The following MB21D2 variants were observed in gnomAD, a reference collection of about 807,000 sequenced individuals.
MB21D2 encodes nucleotidyltransferase MB21D2.
Under a neutral mutation model 33.3 loss-of-function variants are expected in MB21D2, and 9 were observed. The ratio of observed to expected loss-of-function variants is 0.27; its 90% confidence interval spans 0.16 to 0.47. The LOEUF is 0.47. MB21D2 is among the 20% of genes least tolerant of loss of function. MB21D2 has a pLI of 0.99. For synonymous variants in MB21D2, 241 were observed against 236.3 expected (o/e 1.02, Z -0.18); for missense variants, 540 against 624.6 (o/e 0.86, Z 1.44).
intron 1 of MB21D2, among the ~76,000 whole-genome samples, chr3:192,800,235 C>T (rs1188464534): frequency 1.3e-5 from 2 of 152,222 alleles, no homozygotes; most frequent in South Asian, 2.1e-4. Flanking sequence ...TATAATAATA[C>T]TAACACACTG....
rs562000463 is a variant in MB21D2 at position 192,907,330 on chromosome 3, T to C, written c.211+10300A>G. On this transcript the variant is annotated intron_variant, in intron 1 of 1. Coordinates refer to ENST00000392452, the MANE Select transcript of MB21D2 (RefSeq NM_178496.4). Reference sequence around the variant, plus strand: ...CACTCTCAGTCAGATTCACCCCCTATATACCCTTGGCTCAGGTGAAGAGCA... The same window carrying C: ...CACTCTCAGTCAGATTCACCCCCTACATACCCTTGGCTCAGGTGAAGAGCA... Among the ~76,000 whole-genome samples, 280 of 152,264 alleles carry C rather than the reference T, an allele frequency of 1.8e-3. 2 individuals are homozygous for C. Among genetic ancestry groups the C allele is most frequent in the African/African-American group, 6.5e-3 (272 of 41,560 alleles).
chr3:192,911,848 G>A (rs1714364601), intron 1 of MB21D2, among the ~76,000 whole-genome samples: 1 of 152,172 alleles, frequency 6.6e-6, no homozygotes, highest in African/African-American at 2.4e-5. Context: ...AATGTTCTCA[G>A]AGATAGAACA....
chr3:192,836,610 A>T (rs1165480482), intron 1 of MB21D2, among the ~76,000 whole-genome samples: 3 of 152,202 alleles, frequency 2.0e-5, no homozygotes, highest in African/African-American at 7.2e-5. Flanking sequence ...TCTGCAAGCC[A>T]CGGAGAGGGG....
At chr3:192,878,460 T>C (rs1713489345) in intron 1 of MB21D2, among the ~76,000 whole-genome samples, 2 of 152,236 alleles carry the variant, frequency 1.3e-5, no homozygotes, top group Non-Finnish European at 2.9e-5. Flanking sequence ...TTACTTTCAA[T>C]AGAATAAAGA....
chr3:192,878,945 T>C (rs910993082), intron 1 of MB21D2, among the ~76,000 whole-genome samples: 7 of 152,106 alleles, frequency 4.6e-5, no homozygotes, highest in Admixed American at 2.0e-4. Flanking sequence ...GCCTGGGCTA[T>C]GGAGGGACAC....
chr3:192,825,008 A>T (rs1198906875), intron 1 of MB21D2, among the ~76,000 whole-genome samples: 1 of 152,156 alleles, frequency 6.6e-6, no homozygotes, highest in East Asian at 1.9e-4. Flanking sequence ...GATTATGTCT[A>T]GCTTAGCGGT....
intron 1 of MB21D2, among the ~76,000 whole-genome samples, chr3:192,830,010 A>G (rs1712277960): frequency 6.6e-6 from 1 of 152,144 alleles, no homozygotes; most frequent in Non-Finnish European, 1.5e-5. Flanking sequence ...CTACAGGTGC[A>G]TGCCACAATA....
intron 1 of MB21D2, among the ~76,000 whole-genome samples, chr3:192,875,303 G>A (rs1248871019): frequency 6.6e-6 from 1 of 152,146 alleles, no homozygotes; most frequent in Non-Finnish European, 1.5e-5. Flanking sequence ...AGATTACCTG[G>A]CATCTAGAAG....
At chr3:192,836,597 C>T (rs927344128) in intron 1 of MB21D2, among the ~76,000 whole-genome samples, 1 of 152,186 alleles carries the variant, frequency 6.6e-6, no homozygotes, top group African/African-American at 2.4e-5. Context: ...AAGCAGGCGG[C>T]CGTCTGCAAG....
intron 1 of MB21D2, among the ~76,000 whole-genome samples, chr3:192,914,334 GC>G: frequency 6.6e-6 from 1 of 152,244 alleles, no homozygotes; most frequent in African/African-American, 2.4e-5. Context: ...TAAAAATCAT[GC>G]CATGGTACCG....
chr3:192,903,273 C>T (rs987737661), intron 1 of MB21D2, among the ~76,000 whole-genome samples: 10 of 152,146 alleles, frequency 6.6e-5, no homozygotes, highest in Middle Eastern at 3.2e-3. Flanking sequence ...ACCTCCATTC[C>T]GCCCAAAAGT....
chr3:192,910,920 C>G (rs545188616), intron 1 of MB21D2, among the ~76,000 whole-genome samples: 1 of 152,176 alleles, frequency 6.6e-6, no homozygotes, highest in African/African-American at 2.4e-5. Context: ...TCCCTTTTCT[C>G]TTACTATATA....
intron 1 of MB21D2, among the ~76,000 whole-genome samples, chr3:192,895,906 T>G (rs765718338): frequency 2.0e-5 from 3 of 152,178 alleles, no homozygotes; most frequent in Non-Finnish European, 4.4e-5. Context: ...CCTAAGAAAC[T>G]GTTGAGTCAA....
intron 1 of MB21D2, among the ~76,000 whole-genome samples, chr3:192,868,212 T>C (rs889089544): frequency 1.3e-5 from 2 of 152,216 alleles, no homozygotes; most frequent in Non-Finnish European, 2.9e-5. Flanking sequence ...CTCCAGCTCT[T>C]AGCCCATCCT....
chr3:192,853,905 A>G (rs1712861681), intron 1 of MB21D2, among the ~76,000 whole-genome samples: 1 of 152,118 alleles, frequency 6.6e-6, no homozygotes, highest in Admixed American at 6.6e-5. Flanking sequence ...CTTTGATGTT[A>G]CTATTGTAAT....
intron 1 of MB21D2, among the ~76,000 whole-genome samples, chr3:192,885,290 C>T (rs189909864): frequency 1.3e-5 from 2 of 152,202 alleles, no homozygotes; most frequent in East Asian, 3.9e-4. Context: ...TTTCTGTCAA[C>T]GTGGCTTAAT....
chr3:192,814,653 G>A (rs111792948), intron 1 of MB21D2, among the ~76,000 whole-genome samples: 177 of 152,184 alleles, frequency 1.2e-3, no homozygotes, highest in African/African-American at 4.2e-3. Flanking sequence ...ACGAGGTCAG[G>A]AGATCGAGAC....
At chr3:192,862,774 A>G (rs1489914461) in intron 1 of MB21D2, among the ~76,000 whole-genome samples, 3 of 152,230 alleles carry the variant, frequency 2.0e-5, no homozygotes, top group African/African-American at 4.8e-5. Context: ...TTGGGCTGCT[A>G]TAACAAAATA....
At position 192,884,131 on chromosome 3, in the gene MB21D2, C is replaced by G. The variant is rs150701244; in HGVS notation, c.211+33499G>C. Reference sequence around the variant, plus strand: ...TATATCAGATGGGACATTCCCCTACCTTTCAAAGTTAGGGTCCAGTGTTGA... The same window carrying G: ...TATATCAGATGGGACATTCCCCTACGTTTCAAAGTTAGGGTCCAGTGTTGA... On this transcript the variant is annotated intron_variant, in intron 1 of 1. Transcript: ENST00000392452. Among the ~76,000 whole-genome samples, 279 of 152,186 alleles carry G rather than the reference C, an allele frequency of 1.8e-3. 5 individuals carry two copies. The highest frequency in any genetic ancestry group is 6.5e-3 in the African/African-American group (269 of 41,448).
Sources: allele counts gnomAD v4.1 joint callset (sites outside exome capture counted in the v4.1 genomes callset), GRCh38; gene constraint gnomAD v4.1.1; transcripts MANE v1.5; gene names NCBI Gene and HGNC (gene_info 2026-07-23, HGNC 2026-07-21).